LHX6: variants seen among roughly 807,000 people sequenced by gnomAD.
The protein encoded by LHX6 is LIM homeobox 6, also known as LIM/homeobox protein Lhx6.
In LHX6, 15 loss-of-function variants were observed where a neutral mutation model predicts 47.1. The ratio of observed to expected loss-of-function variants is 0.32; its 90% CI spans 0.21 to 0.49. The LOEUF (loss-of-function observed/expected upper bound fraction) is 0.49, where lower values mean the gene tolerates loss of function less well. Ranked by LOEUF, LHX6 falls within the 20% of genes least tolerant of loss-of-function variation. The pLI is 0.99. For missense variants in LHX6, 404 were observed against 539.6 expected, an observed-to-expected ratio of 0.75 and a Z score of 2.49; for synonymous variants, 242 against 233.5, an observed-to-expected ratio of 1.04 and a Z score of -0.33.
intron 4 of LHX6, among the ~76,000 whole-genome samples, chr9:122,225,361 C>G (rs146495466): frequency 6.6e-6 from 1 of 152,392 alleles, no homozygotes; most frequent in Non-Finnish European, 1.5e-5. Context: ...TGGTCCAAGC[C>G]TCAGGCCAGT....
intron 9 of LHX6, among the ~76,000 whole-genome samples, chr9:122,206,550 C>T (rs561622571): frequency 9.5e-4 from 145 of 152,328 alleles, no homozygotes; most frequent in Middle Eastern, 3.4e-3. Flanking sequence ...GGGGACACAG[C>T]CCAGCAAGGG....
intron 5 of LHX6, among the ~76,000 whole-genome samples, chr9:122,216,685 G>T (rs1401556393): frequency 1.3e-5 from 2 of 152,200 alleles, no homozygotes; most frequent in South Asian, 2.1e-4. Context: ...AACCGGAGGG[G>T]ATGAGCCCCC....
At chr9:122,209,571 C>A in intron 9 of LHX6, 43 bp downstream of exon 9, 1 of 1,613,018 alleles carries the variant, frequency 6.2e-7, no homozygotes, top group Non-Finnish European at 8.5e-7. Context: ...CCATCCCCAG[C>A]AGGGTGGCTC....
chr9:122,208,315 C>T (rs1437489085), intron 9 of LHX6, among the ~76,000 whole-genome samples: 1 of 152,100 alleles, frequency 6.6e-6, no homozygotes, highest in East Asian at 1.9e-4. Context: ...GGGAAGTCTT[C>T]CCTGCCTCTC....
rs1831226735 is a variant in LHX6 at position 122,228,928 on chromosome 9, G to A, written c.-188C>T. Reference sequence around the variant, plus strand: ...CGCAGCCCCGGCCTCCCTGGCTGCTGCCGCCGCTGCCTCGGAAGAAGGTCC... The same window carrying A: ...CGCAGCCCCGGCCTCCCTGGCTGCTACCGCCGCTGCCTCGGAAGAAGGTCC... On this transcript the variant is annotated 5_prime_UTR_variant, in exon 1 of 10. Coordinates refer to ENST00000394319, the MANE Select transcript of LHX6 (RefSeq NM_014368.5). 1.5e-5 allele frequency: 3 copies of A among 201,998 alleles called. No individual in the cohort carries two copies. Among genetic ancestry groups the A allele is most frequent in the South Asian group, 1.6e-4 (1 of 6,178 alleles). The allele number at this position is 201,998 out of a possible 1,614,324, so 12.5% of individuals were successfully genotyped here. A position where few individuals can be genotyped will look rare whatever the true frequency, so the allele number is the denominator to read the frequency against.
intron 5 of LHX6, among the ~76,000 whole-genome samples, chr9:122,215,088 A>C (rs1452699137): frequency 6.6e-6 from 1 of 152,232 alleles, no homozygotes. Flanking sequence ...TTAATACTTC[A>C]TTGTTCTGAA....
chr9:122,227,550 C>T (rs1831165311), intron 1 of LHX6, 70 bp from the exon 2 acceptor site: 1 of 1,446,144 alleles, frequency 6.9e-7, no homozygotes, highest in Non-Finnish European at 9.0e-7. Context: ...CTGAGCCCAG[C>T]GCCTCCCCGC....
intron 4 of LHX6, chr9:122,221,826 C>A: frequency 1.9e-6 from 1 of 526,802 alleles, no homozygotes; most frequent in Non-Finnish European, 2.4e-6. Flanking sequence ...AGACGGGTGG[C>A]TGATATATCT....
intron 1 of LHX6, chr9:122,228,128 C>A: frequency 1.5e-6 from 1 of 668,986 alleles, no homozygotes; most frequent in South Asian, 1.8e-5. Flanking sequence ...CCGCCTGACA[C>A]GCGCGGCGAA....
intron 9 of LHX6, among the ~76,000 whole-genome samples, chr9:122,209,060 CA>C (rs1468870749): frequency 3.3e-5 from 5 of 152,176 alleles, no homozygotes; most frequent in Non-Finnish European, 5.9e-5. Flanking sequence ...CAAGTTTAAA[CA>C]AAGGGTTGCA....
chr9:122,224,640 C>A (rs1831015202), intron 4 of LHX6, among the ~76,000 whole-genome samples: 1 of 152,010 alleles, frequency 6.6e-6, no homozygotes, highest in Non-Finnish European at 1.5e-5. Context: ...CCCCTCACCT[C>A]ACCCTCTCAC....
chr9:122,225,085 G>T (rs1297159799), intron 4 of LHX6, among the ~76,000 whole-genome samples: 1 of 152,184 alleles, frequency 6.6e-6, no homozygotes, highest in Non-Finnish European at 1.5e-5. Context: ...TCTCTTTCCA[G>T]ATCGCTGGAG....
Position 122,214,591 on chromosome 9 carries a change from T to C in LHX6, c.683-208A>G, listed in dbSNP as rs577894299. The stretch of plus-strand genomic sequence containing the variant: ...TAGTACTGGACACTTCTTACACGAC[T>C]GGACCACGTCTTACAGCCCTAAGGA... On this transcript the variant is annotated intron_variant, in intron 5 of 9. Transcript: ENST00000394319. The surrounding 1 kb of genome is among the most constrained non-coding windows in gnomAD (Gnocchi z 4.6). Among the ~76,000 whole-genome samples the C allele has an allele frequency of 2.0e-5, 3 of 152,284 alleles. No homozygotes were observed. The highest frequency in any genetic ancestry group is 6.5e-5 in the Admixed American group (1 of 15,298).
intron 4 of LHX6, among the ~76,000 whole-genome samples, chr9:122,221,970 C>T (rs921118353): frequency 3.3e-5 from 5 of 152,310 alleles, no homozygotes; most frequent in Admixed American, 6.5e-5. Flanking sequence ...CCCACCCCCA[C>T]GCCACCATAC....
intron 8 of LHX6, 126 bp from the exon 9 acceptor site, chr9:122,209,843 C>T: frequency 1.7e-6 from 1 of 594,566 alleles, no homozygotes; most frequent in Non-Finnish European, 3.0e-6. Context: ...TCCTGGGTAG[C>T]CCTGGGCAAG....
At chr9:122,215,313 C>T (rs1312082368) in intron 5 of LHX6, among the ~76,000 whole-genome samples, 2 of 152,202 alleles carry the variant, frequency 1.3e-5, no homozygotes, top group Non-Finnish European at 2.9e-5. Context: ...GCATTTGGAG[C>T]AATCGTTATT....
In LHX6 at chr9:122,214,088, G is replaced by T; in HGVS notation, c.784-19C>A. On this transcript the variant is annotated intron_variant, in intron 6 of 9. Transcript: ENST00000394319. This position sits in a 1 kb window ranked among gnomAD's most constrained non-coding sequence, Gnocchi z 4.6. Reference sequence around the variant, plus strand: ...GCATAACCTGCGGGGCGGGGAGGGCGGTGAGGCGCTCGCACGCAGAGACTC... The same window carrying T: ...GCATAACCTGCGGGGCGGGGAGGGCTGTGAGGCGCTCGCACGCAGAGACTC... The T allele has an allele frequency of 1.3e-6, 2 of 1,591,890 alleles. No individual in the cohort carries two copies. Among genetic ancestry groups the T allele is most frequent in the Non-Finnish European group, 1.7e-6 (2 of 1,174,404 alleles).
Position 122,204,546 on chromosome 9 carries a change from A to G in LHX6, c.*214T>C, listed in dbSNP as rs1363257741. ...CAGATTTCAGGGAGTTCTGCCTTCC[A>G]AGAGGAGGACTCTGTGGTGCTCCTG... is the stretch of plus-strand genomic sequence containing the variant. On this transcript the variant is annotated 3_prime_UTR_variant, in exon 10 of 10. Transcript: ENST00000394319. 3 of 441,860 alleles carry G rather than the reference A, an allele frequency of 6.8e-6. No homozygotes were observed. The highest frequency in any genetic ancestry group is 1.2e-5 in the Non-Finnish European group (3 of 246,944). 27.4% of individuals were successfully genotyped at this position (441,860 alleles called of 1,614,324 possible).
chr9:122,219,043 G>C lies in LHX6; in HGVS notation c.462-1755C>G, dbSNP rs1051122431. Among the ~76,000 whole-genome samples the C allele has an allele frequency of 3.3e-5, 5 of 152,208 alleles. 1 individual carries two copies. Among genetic ancestry groups the C allele is most frequent in the Admixed American group, 1.3e-4 (2 of 15,286 alleles). On this transcript the variant is annotated intron_variant, in intron 4 of 9. Coordinates refer to ENST00000394319, the MANE Select transcript of LHX6 (RefSeq NM_014368.5). ...AGATTTGCCTCTGCGTCCCCAGGGC[G>C]GGCACCCCTCCACCCGGGGGAGCAT... is the stretch of plus-strand genomic sequence containing the variant.
Sources: gnomAD v4.1 joint callset for allele counts (sites outside exome capture counted in the v4.1 genomes callset) on GRCh38, gnomAD v4.1.1 for gene constraint, Gnocchi (gnomAD v3.1) non-coding constraint, MANE v1.5 for transcripts, NCBI Gene and HGNC (gene_info 2026-07-23, HGNC 2026-07-21) for gene names.